PRKG1: variants seen among roughly 807,000 people sequenced by gnomAD.
PRKG1 encodes the protein cGMP-dependent protein kinase 1.
Under a neutral mutation model 88.1 loss-of-function variants are expected in PRKG1, and 35 were observed. The ratio of observed to expected loss-of-function variants is 0.40; its 90% CI spans 0.30 to 0.53. The LOEUF (loss-of-function observed/expected upper bound fraction) is 0.53. Among genes scored for constraint, PRKG1 ranks in the 20% least tolerant of loss-of-function variants. The pLI, the probability that PRKG1 is intolerant of heterozygous loss-of-function variation, is 0.59. For missense variants in PRKG1, 540 were observed against 839.8 expected, an observed-to-expected ratio of 0.64 and a Z score of 4.41; for synonymous variants, 303 against 292.5, an observed-to-expected ratio of 1.04 and a Z score of -0.37.
chr10:51,969,983 A>T (rs1193877693), intron 5 of PRKG1, among the ~76,000 whole-genome samples: 3 of 146,426 alleles, frequency 2.0e-5, no homozygotes, highest in African/African-American at 7.6e-5. Context: ...TGTTTGCTTT[A>T]TTTGCCCATT....
chr10:51,619,177 G>T (rs1839144047), intron 3 of PRKG1, among the ~76,000 whole-genome samples: 1 of 152,032 alleles, frequency 6.6e-6, no homozygotes, highest in African/African-American at 2.4e-5. Context: ...CAGAGAAAGG[G>T]ATTGGTTTGC....
chr10:52,100,558 C>A (rs941800211), intron 7 of PRKG1, among the ~76,000 whole-genome samples: 5 of 152,312 alleles, frequency 3.3e-5, no homozygotes, highest in Admixed American at 2.6e-4. Flanking sequence ...AGCCCAGCCC[C>A]TGAGGATCCC....
Position 51,657,544 on chromosome 10 carries a change from G to A in PRKG1, c.593-147041G>A, listed in dbSNP as rs543155346. 1.4e-3 allele frequency among the ~76,000 whole-genome samples: 214 copies of A among 152,242 alleles called. 1 individual carries two copies. The highest frequency in any genetic ancestry group is 2.4e-3 in the Non-Finnish European group (165 of 68,004). ...CAAACTGTCCTTGTGCCCCAGGATC[G>A]TGGAGTGATTCAGAAGGTTTTGTAG... On this transcript the variant is annotated intron_variant, in intron 3 of 17. Coordinates refer to ENST00000373980, the MANE Select transcript of PRKG1 (RefSeq NM_006258.4).
At chr10:52,060,820 G>C (rs1024139688) in intron 6 of PRKG1, among the ~76,000 whole-genome samples, 1 of 151,698 alleles carries the variant, frequency 6.6e-6, no homozygotes, top group Non-Finnish European at 1.5e-5. Flanking sequence ...TCTTACCCAT[G>C]GACACTAGAA....
Position 52,114,847 on chromosome 10 carries a change from C to T in PRKG1, c.936-18993C>T, listed in dbSNP as rs138120256. Among the ~76,000 whole-genome samples the T allele has an allele frequency of 3.7e-3, 570 of 152,124 alleles. 3 individuals are homozygous for T. Among genetic ancestry groups the T allele is most frequent in the Middle Eastern group, 6.8e-3 (2 of 294 alleles). On this transcript the variant is annotated intron_variant, in intron 7 of 17. Transcript: ENST00000373980. ...AATGGGAATACATGGTGCACCAGCA[C>T]GTCAGCATTCATAGAGAAGTGGCTG...
At chr10:51,557,722 T>C (rs905738864) in intron 3 of PRKG1, among the ~76,000 whole-genome samples, 2 of 151,940 alleles carry the variant, frequency 1.3e-5, no homozygotes, top group Non-Finnish European at 2.9e-5. Context: ...ATGTGAAAAA[T>C]GTATTGGGGT....
rs577345125 is a variant in PRKG1 at position 51,764,192 on chromosome 10, C to G, written c.593-40393C>G. 7.2e-5 allele frequency among the ~76,000 whole-genome samples: 11 copies of G among 152,296 alleles called. No individual in the cohort carries two copies. In the South Asian group the frequency reaches 1.9e-3, roughly 26 times the overall value. ...ACAGGAAAAGCCCACTCCTATATCACATAAAACATTCTAAAACATATTTAA... is the reference window on the plus strand; with the variant it reads ...ACAGGAAAAGCCCACTCCTATATCAGATAAAACATTCTAAAACATATTTAA... On this transcript the variant is annotated intron_variant, in intron 3 of 17. Coordinates refer to ENST00000373980, the MANE Select transcript of PRKG1 (RefSeq NM_006258.4).
At chr10:51,239,554 C>A (rs951923768) in intron 2 of PRKG1, among the ~76,000 whole-genome samples, 1 of 152,146 alleles carries the variant, frequency 6.6e-6, no homozygotes, top group Non-Finnish European at 1.5e-5. Flanking sequence ...TTAAAAATAT[C>A]TTTACATGTT....
At chr10:51,869,883 C>T (rs932916815) in intron 4 of PRKG1, among the ~76,000 whole-genome samples, 2 of 152,056 alleles carry the variant, frequency 1.3e-5, no homozygotes, top group Admixed American at 6.6e-5. Flanking sequence ...TTAAGTATTA[C>T]TACTCTGGAA....
At chr10:51,227,673 G>A (rs998625568) in intron 2 of PRKG1, among the ~76,000 whole-genome samples, 1 of 152,164 alleles carries the variant, frequency 6.6e-6, no homozygotes, top group African/African-American at 2.4e-5. Context: ...TTAGAGTTTG[G>A]TTTTAAAAGA....
intron 3 of PRKG1, among the ~76,000 whole-genome samples, chr10:51,576,068 G>A (rs769830366): frequency 6.6e-6 from 1 of 151,878 alleles, no homozygotes; most frequent in Non-Finnish European, 1.5e-5. Flanking sequence ...ACATCATGAG[G>A]TAGGCTTTGT....
intron 5 of PRKG1, among the ~76,000 whole-genome samples, chr10:51,961,333 C>T (rs999506544): frequency 2.6e-5 from 4 of 151,920 alleles, no homozygotes; most frequent in East Asian, 3.9e-4. Context: ...TTTTGATCTG[C>T]GTTTGGTTGA....
intron 3 of PRKG1, among the ~76,000 whole-genome samples, chr10:51,776,326 A>C (rs1589277325): frequency 6.6e-6 from 1 of 152,324 alleles, no homozygotes; most frequent in East Asian, 1.9e-4. Flanking sequence ...TGCAAAATGC[A>C]CACCTTTTTG....
At chr10:51,086,795 T>C (rs1844261543) in intron 1 of PRKG1, among the ~76,000 whole-genome samples, 1 of 152,192 alleles carries the variant, frequency 6.6e-6, no homozygotes, top group African/African-American at 2.4e-5. Flanking sequence ...CCCTTTCTCA[T>C]CTGAGGTTCG....
intron 3 of PRKG1, among the ~76,000 whole-genome samples, chr10:51,597,669 C>G (rs1838488882): frequency 6.6e-6 from 1 of 152,158 alleles, no homozygotes; most frequent in Non-Finnish European, 1.5e-5. Context: ...CCAACTCTCT[C>G]AGGGTCCTGT....
At chr10:52,243,244 G>A (rs1269413561) in intron 9 of PRKG1, among the ~76,000 whole-genome samples, 1 of 152,124 alleles carries the variant, frequency 6.6e-6, no homozygotes, top group African/African-American at 2.4e-5. Flanking sequence ...TGTAGTAAAA[G>A]AACATATTAC....
At chr10:52,064,878 T>C (rs1042844143) in intron 7 of PRKG1, among the ~76,000 whole-genome samples, 3 of 152,154 alleles carry the variant, frequency 2.0e-5, no homozygotes, top group African/African-American at 7.2e-5. Context: ...ATCACAATGA[T>C]CACAAGGCAG....
chr10:51,276,710 G>A (rs1222471165), intron 2 of PRKG1, among the ~76,000 whole-genome samples: 2 of 152,182 alleles, frequency 1.3e-5, no homozygotes, highest in East Asian at 3.9e-4. Flanking sequence ...TTTCTCTGAT[G>A]ACCAGTGATG....
At chr10:51,650,994 A>C (rs1840025188) in intron 3 of PRKG1, among the ~76,000 whole-genome samples, 1 of 152,122 alleles carries the variant, frequency 6.6e-6, no homozygotes, top group Non-Finnish European at 1.5e-5. Flanking sequence ...CAATGTCTGT[A>C]GACATTCGTG....
Sources: allele counts gnomAD v4.1 joint callset (sites outside exome capture counted in the v4.1 genomes callset), GRCh38; gene constraint gnomAD v4.1.1; transcripts MANE v1.5; gene names NCBI Gene and HGNC (gene_info 2026-07-23, HGNC 2026-07-21).